Variants in TRIM67 observed in about 807,000 individuals in gnomAD.
TRIM67 encodes the protein tripartite motif-containing protein 67.
A neutral mutation model predicts 71.0 loss-of-function variants in TRIM67; 39 were observed. The ratio of observed to expected loss-of-function variants is 0.55; its 90% CI spans 0.43 to 0.72. The LOEUF (loss-of-function observed/expected upper bound fraction) is 0.72. Among genes scored for constraint, TRIM67 ranks in the 30% least tolerant of loss-of-function variants. The pLI is 0.00. For missense variants in TRIM67, 973 were observed against 1,079.2 expected (o/e 0.90, Z 1.38); for synonymous variants, 481 against 473.9 (o/e 1.01, Z -0.19).
At chr1:231,185,178 G>C (rs554824872) in intron 1 of TRIM67, 3 of 1,532,926 alleles carry the variant, frequency 2.0e-6, no homozygotes, top group South Asian at 2.4e-5. Flanking sequence ...ACTCCACGGC[G>C]TCCATTCCTG....
rs569305822 is a variant in TRIM67 at position 231,185,162 on chromosome 1, G to T, written c.1045-12209G>T. The T allele has an allele frequency of 1.3e-4, 205 of 1,532,934 alleles. 2 individuals carry two copies. In the South Asian group the frequency reaches 2.4e-3, roughly 18 times the overall value. The allele number at this position is 1,532,934 out of a possible 1,614,324, so 95.0% of individuals were successfully genotyped here. A position where few individuals can be genotyped will look rare whatever the true frequency, so the allele number is the denominator to read the frequency against. On this transcript the variant is annotated intron_variant, in intron 1 of 9. Transcript: ENST00000366653. The stretch of plus-strand genomic sequence containing the variant: ...GAAGTGTGTGTTGTCCAGCCAGCCA[G>T]CCTGTACTCCACGGCGTCCATTCCT...
intron 1 of TRIM67, among the ~76,000 whole-genome samples, chr1:231,176,923 A>AAAAAAAAAAAC (rs1553322802): frequency 6.6e-6 from 1 of 151,036 alleles, no homozygotes; most frequent in Non-Finnish European, 1.5e-5. Context: ...AAAAAAAAAA[A>AAAAAAAAAAAC]CACCTTTCAA....
chr1:231,197,888 G>A lies in TRIM67; in HGVS notation c.1140+422G>A, dbSNP rs371152607. 8.6e-5 allele frequency among the ~76,000 whole-genome samples: 13 copies of A among 151,892 alleles called. No homozygotes were observed. The East Asian group carries it at 1.2e-3, about 14-fold the overall frequency. ...AGGAGAAGGAGAAGAAGGAGAAGAAGAAAGGAAAAGTCTTGTAGCAAGCAT... is the reference window on the plus strand; with the variant it reads ...AGGAGAAGGAGAAGAAGGAGAAGAAAAAAGGAAAAGTCTTGTAGCAAGCAT... On this transcript the variant is annotated intron_variant, in intron 2 of 9. Transcript: ENST00000366653.
In TRIM67 at chr1:231,209,105, TACG is replaced by T. The variant is rs746077400; in HGVS notation, c.1981_1983del (p.Asp661del). 1 of 1,613,892 alleles carries T rather than the reference TACG, an allele frequency of 6.2e-7. No individual in the cohort carries two copies. The highest frequency in any genetic ancestry group is 8.5e-7 in the Non-Finnish European group (1 of 1,179,858). ...CTACTGGGAGCTGCACGTGGACCGG[TACG>T]ACAACCACCCAGACCCCGCCTTCGG... On this transcript the variant is annotated inframe_deletion, in exon 8 of 10. Coordinates refer to ENST00000366653, the MANE Select transcript of TRIM67 (RefSeq NM_001004342.5). The surrounding 1 kb of genome is among the most constrained non-coding windows in gnomAD (Gnocchi z 4.1).
intron 1 of TRIM67, among the ~76,000 whole-genome samples, chr1:231,173,429 T>C (rs1380705545): frequency 1.3e-5 from 2 of 152,072 alleles, no homozygotes; most frequent in African/African-American, 2.4e-5. Flanking sequence ...GGCAGAAAAG[T>C]TGAAAAACAA....
chr1:231,177,861 C>A (rs898659801), intron 1 of TRIM67, among the ~76,000 whole-genome samples: 1 of 152,144 alleles, frequency 6.6e-6, no homozygotes, highest in Non-Finnish European at 1.5e-5. Context: ...GCATCTGACA[C>A]CCAGTCAAGC....
Position 231,208,990 on chromosome 1 carries a change from C to A in TRIM67, c.1863C>A (p.Ile621=), listed in dbSNP as rs763048501. The change falls in exon 8 of 10, where the codon ATC becomes ATA. Residue 621 remains isoleucine, a synonymous_variant. Transcript: ENST00000366653. ...TFDPNSGHRD[I]ILSNDNQTAT... The stretch of plus-strand genomic sequence containing the variant: ...ACCCCAACTCTGGGCATCGGGACAT[C>A]ATTTTATCCAATGACAACCAGACAG... 2 of 1,608,822 alleles carry A rather than the reference C, an allele frequency of 1.2e-6. No homozygotes were observed. Among genetic ancestry groups the A allele is most frequent in the Admixed American group, 3.4e-5 (2 of 59,698 alleles).
chr1:231,171,111 A>C (rs7524609), intron 1 of TRIM67, among the ~76,000 whole-genome samples: 17,953 of 152,180 alleles, frequency 0.12, 1,348 homozygotes, highest in East Asian at 0.28. Context: ...ACTTTCACTG[A>C]AAGTCATCTG....
chr1:231,204,032 T>C lies in TRIM67; in HGVS notation c.1680+20T>C, dbSNP rs778128859. ...TTCCGGGTGAGGCCTTGCTGCTTAT[T>C]TGGCGGGGATTGAGGGTACCAATGC... On this transcript the variant is annotated intron_variant, in intron 6 of 9. Coordinates refer to ENST00000366653, the MANE Select transcript of TRIM67 (RefSeq NM_001004342.5). 3.1e-6 allele frequency: 5 copies of C among 1,613,040 alleles called. No homozygotes were observed. Among genetic ancestry groups the C allele is most frequent in the Non-Finnish European group, 4.2e-6 (5 of 1,179,556 alleles).
rs1683106280 is a variant in TRIM67, at chr1:231,187,233, C to T, written c.1045-10138C>T. Among the ~76,000 whole-genome samples, 3 of 152,270 alleles carry T rather than the reference C, an allele frequency of 2.0e-5. No individual in the cohort carries two copies. The South Asian group carries it at 6.2e-4, about 32-fold the overall frequency. ...GAAGATGCAGGGAAAAGACCTGCCTCTGTTGGCCCCAGGCTCCCCAAGTGG... is the reference window on the plus strand; with the variant it reads ...GAAGATGCAGGGAAAAGACCTGCCTTTGTTGGCCCCAGGCTCCCCAAGTGG... On this transcript the variant is annotated intron_variant, in intron 1 of 9. Coordinates refer to ENST00000366653, the MANE Select transcript of TRIM67 (RefSeq NM_001004342.5).
chr1:231,217,090 T>C lies in TRIM67; in HGVS notation c.*1650T>C. ...CGCGCCTGCTTTCTGAGTAACTGCC[T>C]GCCGGAGCCATGCAGGTACCCCCCC... On this transcript the variant is annotated 3_prime_UTR_variant, in exon 10 of 10. Transcript: ENST00000366653. 1.0e-6 allele frequency: 1 copy of C among 985,878 alleles called. No homozygotes were observed. Among genetic ancestry groups the C allele is most frequent in the Non-Finnish European group, 1.2e-6 (1 of 829,974 alleles). The allele number at this position is 985,878 out of a possible 1,614,324, so 61.1% of individuals were successfully genotyped here.
chr1:231,182,904 C>T (rs1483176171), intron 1 of TRIM67, among the ~76,000 whole-genome samples: 1 of 152,172 alleles, frequency 6.6e-6, no homozygotes, highest in Non-Finnish European at 1.5e-5. Context: ...GCAGTACTGC[C>T]CATCAGTCCT....
intron 1 of TRIM67, among the ~76,000 whole-genome samples, chr1:231,174,333 A>AT (rs111838016): frequency 0.02 from 2,743 of 138,748 alleles, 56 homozygotes; most frequent in African/African-American, 0.057. Flanking sequence ...AAATTTGCTA[A>AT]TTTTTTTTTT....
At chr1:231,186,248 G>GTA in intron 1 of TRIM67, 1 of 1,290,348 alleles carries the variant, frequency 7.7e-7, no homozygotes, top group South Asian at 1.3e-5. Flanking sequence ...TCTGGCAAAA[G>GTA]CAGGATTTCT....
intron 1 of TRIM67, among the ~76,000 whole-genome samples, chr1:231,190,091 A>G (rs574903865): frequency 1.3e-4 from 20 of 152,306 alleles, no homozygotes; most frequent in South Asian, 1.0e-3. Context: ...CACAGCAGCA[A>G]TAAGAAACTA....
intron 1 of TRIM67, among the ~76,000 whole-genome samples, chr1:231,173,265 G>A (rs547711001): frequency 2.0e-5 from 3 of 152,256 alleles, no homozygotes; most frequent in East Asian, 3.9e-4. Flanking sequence ...ACTTAGGCAG[G>A]GCCAGACACA....
At position 231,162,192 on chromosome 1, in the gene TRIM67, C is replaced by G. The variant is rs111550199; in HGVS notation, c.-778C>G. ...TCGCGCGGCCCAAGGTCAGAGGCGC[C>G]GCAGGAGCAGCAGCTGGGAACCAGG... On this transcript the variant is annotated 5_prime_UTR_variant, in exon 1 of 10. Coordinates refer to ENST00000366653, the MANE Select transcript of TRIM67 (RefSeq NM_001004342.5). 6.6e-6 allele frequency: 1 copy of G among 152,204 alleles called. No individual in the cohort carries two copies. Among genetic ancestry groups the G allele is most frequent in the African/African-American group, 2.4e-5 (1 of 41,450 alleles). The allele number at this position is 152,204 out of a possible 1,614,324, so 9.4% of individuals were successfully genotyped here.
rs966986455 is a variant in TRIM67 at position 231,216,802 on chromosome 1, G to T, written c.*1362G>T. ...CCACACCTCTCAGAGACAGCTCATG[G>T]CAGGGGTTTTGAGCCTGCCAGGCTC... On this transcript the variant is annotated 3_prime_UTR_variant, in exon 10 of 10. Coordinates refer to ENST00000366653, the MANE Select transcript of TRIM67 (RefSeq NM_001004342.5). The T allele has an allele frequency of 1.2e-5, 12 of 985,388 alleles. No homozygotes were observed. Among genetic ancestry groups the T allele is most frequent in the African/African-American group, 1.7e-5 (1 of 57,248 alleles). 61.0% of individuals were successfully genotyped at this position (985,388 alleles called of 1,614,324 possible). A position where few individuals can be genotyped will look rare whatever the true frequency, so the allele number is the denominator to read the frequency against.
intron 5 of TRIM67, among the ~76,000 whole-genome samples, chr1:231,202,238 GGGGGGGTA>G (rs1683569945): frequency 6.6e-6 from 1 of 151,472 alleles, no homozygotes; most frequent in Non-Finnish European, 1.5e-5. Context: ...TAGGAGAGGA[GGGGGGGTA>G]GTGGAGAAGG....
Sources: allele counts gnomAD v4.1 joint callset (sites outside exome capture counted in the v4.1 genomes callset), GRCh38; gene constraint gnomAD v4.1.1; non-coding constraint Gnocchi (gnomAD v3.1); transcripts MANE v1.5; gene names NCBI Gene and HGNC (gene_info 2026-07-23, HGNC 2026-07-21).